Variants in ADK observed in about 807,000 individuals in gnomAD.
ADK encodes adenosine kinase, also known as N6,N6-dimethyladenosine kinase.
In ADK, 24 loss-of-function variants were observed where a neutral mutation model predicts 44.7. That is an observed-to-expected ratio of 0.54 (90% CI 0.39 to 0.76). ADK has a LOEUF of 0.76. ADK is among the 30% of genes least tolerant of loss of function. The probability of loss-of-function intolerance (pLI) is 0.00; values close to 1 mark genes in which losing one functional copy is unlikely to be tolerated. For synonymous variants in ADK, 128 were observed against 142.6 expected (o/e 0.90, Z 0.73); for missense variants, 321 against 425.1 (o/e 0.76, Z 2.15).
rs11317030 is a variant in ADK at position 74,666,830 on chromosome 10, CTTTTTTTTTTTTT to C, written c.878-3345_878-3333del. Among the ~76,000 whole-genome samples the C allele has an allele frequency of 2.8e-5, 3 of 109,050 alleles. No individual in the cohort carries two copies. The East Asian group carries it at 6.7e-4, about 24-fold the overall frequency. The allele number at this position is 109,050 out of a possible 152,430, so 71.5% of individuals were successfully genotyped here. On this transcript the variant is annotated intron_variant, in intron 9 of 10. Transcript: ENST00000539909. ...CCGGTAAAAACTGTTAGTTTTGTGA[CTTTTTTTTTTTTT>C]TTTTTTTGAGACTGAGTCTCACTGT...
At chr10:74,571,625 G>A (rs1186762475) in intron 7 of ADK, among the ~76,000 whole-genome samples, 5 of 152,014 alleles carry the variant, frequency 3.3e-5, no homozygotes, top group East Asian at 1.9e-4. Flanking sequence ...CTGTGGGATC[G>A]GTGGTGATAT....
intron 8 of ADK, among the ~76,000 whole-genome samples, chr10:74,590,061 C>T (rs1474926661): frequency 6.6e-6 from 1 of 152,072 alleles, no homozygotes; most frequent in Non-Finnish European, 1.5e-5. Context: ...CTGTATAATA[C>T]CCCTCTTCCA....
intron 4 of ADK, among the ~76,000 whole-genome samples, chr10:74,393,513 A>G (rs564575763): frequency 6.6e-6 from 1 of 152,320 alleles, no homozygotes; most frequent in African/African-American, 2.4e-5. Context: ...TTTTAGCTTA[A>G]TTTATATATG....
At chr10:74,379,273 T>TG (rs1842911941) in intron 4 of ADK, among the ~76,000 whole-genome samples, 1 of 152,106 alleles carries the variant, frequency 6.6e-6, no homozygotes, top group Non-Finnish European at 1.5e-5. Context: ...CTTGGATGGG[T>TG]GGTAGCGTGG....
At chr10:74,631,002 G>A (rs111608662) in intron 9 of ADK, among the ~76,000 whole-genome samples, 26 of 151,226 alleles carry the variant, frequency 1.7e-4, no homozygotes, top group South Asian at 6.3e-4. Flanking sequence ...TCAAATTGTC[G>A]TAGATTTGAC....
At chr10:74,226,796 T>A (rs990018408) in intron 3 of ADK, among the ~76,000 whole-genome samples, 1 of 152,198 alleles carries the variant, frequency 6.6e-6, no homozygotes, top group Admixed American at 6.5e-5. Flanking sequence ...TTTTGCAGAT[T>A]AACATTCTGT....
intron 3 of ADK, among the ~76,000 whole-genome samples, chr10:74,314,407 T>C (rs140410201): frequency 6.6e-6 from 1 of 152,210 alleles, no homozygotes; most frequent in Non-Finnish European, 1.5e-5. Flanking sequence ...TACTTTTACT[T>C]TCTGTTTAGT....
chr10:74,698,977 G>A (rs1275844835), intron 10 of ADK, among the ~76,000 whole-genome samples: 1 of 151,014 alleles, frequency 6.6e-6, no homozygotes, highest in African/African-American at 2.4e-5. Flanking sequence ...CTCCCAAGTA[G>A]CTGGGATTGC....
At chr10:74,293,165 CAAAAAAAAA>C (rs59635944) in intron 3 of ADK, among the ~76,000 whole-genome samples, 4 of 79,156 alleles carry the variant, frequency 5.1e-5, no homozygotes, top group African/African-American at 5.6e-5. Flanking sequence ...AACCCTGTCT[CAAAAAAAAA>C]AAAAAAAAAA....
intron 9 of ADK, among the ~76,000 whole-genome samples, chr10:74,661,968 A>G (rs1429826542): frequency 6.6e-6 from 1 of 152,186 alleles, no homozygotes; most frequent in Non-Finnish European, 1.5e-5. Flanking sequence ...CTATTGTTCT[A>G]TGAGATCTAA....
intron 6 of ADK, among the ~76,000 whole-genome samples, chr10:74,418,861 G>C (rs1844462925): frequency 6.6e-6 from 1 of 152,148 alleles, no homozygotes; most frequent in African/African-American, 2.4e-5. Flanking sequence ...AAAACATCCA[G>C]TCTGATTACC....
chr10:74,493,292 C>T (rs947520770), intron 6 of ADK, among the ~76,000 whole-genome samples: 2 of 151,850 alleles, frequency 1.3e-5, no homozygotes, highest in Non-Finnish European at 2.9e-5. Context: ...AGTGATCCTC[C>T]CACCTCAGGC....
chr10:74,430,943 T>C (rs1157773669), intron 6 of ADK, among the ~76,000 whole-genome samples: 1 of 150,802 alleles, frequency 6.6e-6, no homozygotes, highest in Non-Finnish European at 1.5e-5. Flanking sequence ...ATATAGAAAA[T>C]AGATGGTGGT....
At position 74,548,591 on chromosome 10, in the gene ADK, T is replaced by G. The variant is rs530145903; in HGVS notation, c.726+23165T>G. Among the ~76,000 whole-genome samples the G allele has an allele frequency of 9.2e-5, 14 of 152,334 alleles. 2 individuals are homozygous for G. The highest frequency in any genetic ancestry group is 3.1e-4 in the African/African-American group (13 of 41,576). ...TTATCTGGCAACCCTACCAGTGGTT[T>G]GAGTATTCGGGAAGACTTCATGGTA... On this transcript the variant is annotated intron_variant, in intron 7 of 10. Transcript: ENST00000539909.
chr10:74,427,268 C>T (rs1003485788), intron 6 of ADK, among the ~76,000 whole-genome samples: 6 of 151,940 alleles, frequency 3.9e-5, no homozygotes, highest in Non-Finnish European at 7.4e-5. Flanking sequence ...GCGTGATCTC[C>T]GCTCACTGCA....
chr10:74,594,402 A>T (rs748316665), intron 8 of ADK, among the ~76,000 whole-genome samples: 109 of 95,594 alleles, frequency 1.1e-3, no homozygotes, highest in Non-Finnish European at 1.9e-3. Context: ...CAGAAGAAAT[A>T]AAAAAAAAAT....
At chr10:74,463,220 G>A (rs2133253157) in intron 6 of ADK, among the ~76,000 whole-genome samples, 1 of 152,080 alleles carries the variant, frequency 6.6e-6, no homozygotes, top group Admixed American at 6.6e-5. Flanking sequence ...GTGGGGGAGG[G>A]GTGGTTTCAG....
intron 10 of ADK, among the ~76,000 whole-genome samples, chr10:74,682,241 G>A (rs1385953552): frequency 6.6e-6 from 1 of 152,130 alleles, no homozygotes; most frequent in Non-Finnish European, 1.5e-5. Context: ...TTAAATTGAT[G>A]GGCTTTTGGT....
intron 3 of ADK, among the ~76,000 whole-genome samples, chr10:74,227,000 G>T (rs1844567396): frequency 6.6e-6 from 1 of 152,078 alleles, no homozygotes; most frequent in African/African-American, 2.4e-5. Context: ...TTGAATTAAT[G>T]AATTTCATGA....
Sources: gnomAD v4.1 joint callset for allele counts (sites outside exome capture counted in the v4.1 genomes callset) on GRCh38, gnomAD v4.1.1 for gene constraint, MANE v1.5 for transcripts, NCBI Gene and HGNC (gene_info 2026-07-23, HGNC 2026-07-21) for gene names.